RIC1: variants seen among roughly 807,000 people sequenced by gnomAD.
The protein encoded by RIC1 is RIC1 partner of RAB6A GEF complex, also known as guanine nucleotide exchange factor subunit RIC1.
RIC1 carries 88 observed loss-of-function variants against 169.0 expected under a neutral mutation model. The observed-to-expected ratio is 0.52, with a 90% CI of 0.44 to 0.62. The LOEUF is 0.62. Ranked by LOEUF, RIC1 falls within the 20% of genes least tolerant of loss-of-function variation. The pLI is 0.00. For missense variants in RIC1, 1,877 were observed against 1,725.5 expected, an observed-to-expected ratio of 1.09 and a Z score of -1.56; for synonymous variants, 790 against 601.5, an observed-to-expected ratio of 1.31 and a Z score of -4.59.
At chr9:5,633,283 G>T (rs149016069) in intron 1 of RIC1, among the ~76,000 whole-genome samples, 18 of 152,240 alleles carry the variant, frequency 1.2e-4, no homozygotes, top group African/African-American at 4.3e-4. Context: ...TATTTTCCCA[G>T]CATTCCCATT....
intron 3 of RIC1, among the ~76,000 whole-genome samples, chr9:5,707,158 C>T (rs112550988): frequency 1.7e-4 from 26 of 152,230 alleles, no homozygotes; most frequent in African/African-American, 6.3e-4. Flanking sequence ...GATTGTTTTA[C>T]AGTGTATTTT....
rs988760881 is a variant in RIC1, at chr9:5,629,196, T to TGCC, written c.-97_-95dup. On this transcript the variant is annotated 5_prime_UTR_variant, in exon 1 of 26. Transcript: ENST00000414202. The stretch of plus-strand genomic sequence containing the variant: ...AGGCCAGCGGGCAGATGCCCCGAGC[T>TGCC]GCCGCCGCCGCCGCCGCCGACTCGG... 1.1e-4 allele frequency: 119 copies of TGCC among 1,119,538 alleles called. No homozygotes were observed. The South Asian group carries it at 1.6e-3, about 15-fold the overall frequency. The allele number at this position is 1,119,538 out of a possible 1,614,324, so 69.4% of individuals were successfully genotyped here. A position where few individuals can be genotyped will look rare whatever the true frequency, so the allele number is the denominator to read the frequency against.
chr9:5,636,362 G>T (rs180748465), intron 1 of RIC1, among the ~76,000 whole-genome samples: 1 of 151,706 alleles, frequency 6.6e-6, no homozygotes, highest in Non-Finnish European at 1.5e-5. Flanking sequence ...TCTTGTCACC[G>T]AGGCTGGAGT....
chr9:5,645,328 G>C (rs189675848), intron 1 of RIC1, among the ~76,000 whole-genome samples: 101 of 152,290 alleles, frequency 6.6e-4, no homozygotes, highest in African/African-American at 2.3e-3. Context: ...TATTAGCCAT[G>C]ATGCCCAGAC....
intron 3 of RIC1, among the ~76,000 whole-genome samples, chr9:5,702,310 A>C (rs1362204250): frequency 1.3e-5 from 2 of 152,164 alleles, no homozygotes; most frequent in African/African-American, 2.4e-5. Context: ...TGCCATAAAT[A>C]AACACCTAAG....
chr9:5,763,726 C>G lies in RIC1; in HGVS notation c.2699C>G (p.Thr900Arg), dbSNP rs1409641923. The change falls in exon 19 of 26, where the codon ACA becomes AGA. Residue 900 changes from threonine (T) to arginine (R), a missense_variant. Thr to Arg is a moderately conservative substitution (Grantham distance 71, BLOSUM62 -1). Around this residue, in one of 3 missense-constraint regions of RIC1, gnomAD observed 92 missense variants for 151.5 expected, o/e 0.61. Transcript: ENST00000414202. The surrounding 1 kb of genome is among the most constrained non-coding windows in gnomAD (Gnocchi z 5.2). ...FITEFPLFLQTVVHCARKTEY... is the reference protein window; with the variant it reads ...FITEFPLFLQRVVHCARKTEY... ...ACTGAGTTCCCCCTCTTCCTGCAGA[C>G]AGTTGTCCATTGTGCCAGGAAGACC... is the stretch of plus-strand genomic sequence containing the variant. The G allele has an allele frequency of 1.2e-6, 2 of 1,614,110 alleles. No individual in the cohort carries two copies. Among genetic ancestry groups the G allele is most frequent in the African/African-American group, 1.3e-5 (1 of 74,940 alleles).
rs1274451428 is a variant in RIC1, at chr9:5,754,844, C to G, written c.1606C>G (p.Gln536Glu). 3.2e-6 allele frequency: 5 copies of G among 1,552,920 alleles called. No individual in the cohort carries two copies. Among genetic ancestry groups the G allele is most frequent in the Non-Finnish European group, 4.4e-6 (5 of 1,141,056 alleles). ...TTTAAAAAATTTTTATTTTAAGGAG[C>G]AAAATATGATCGTGACAGGTGGCTT... ...WKLFGNITQE[Q>E]NMIVTGGLAW... The change falls in exon 15 of 26, where the codon CAA becomes GAA. Residue 536 changes from glutamine (Q) to glutamate (E), a missense_variant. Gln to Glu is a conservative substitution (Grantham distance 29). This residue lies in a region of RIC1 where 1,104 missense variants were observed against 992.0 expected (regional missense o/e 1.11). Coordinates refer to ENST00000414202, the MANE Select transcript of RIC1 (RefSeq NM_020829.4).
rs1238223119 is a variant in RIC1 at position 5,648,121 on chromosome 9, T to A, written c.145-8462T>A. 2.0e-5 allele frequency among the ~76,000 whole-genome samples: 3 copies of A among 151,976 alleles called. No homozygotes were observed. The East Asian group carries it at 5.8e-4, about 29-fold the overall frequency. On this transcript the variant is annotated intron_variant, in intron 1 of 25. Coordinates refer to ENST00000414202, the MANE Select transcript of RIC1 (RefSeq NM_020829.4). The stretch of plus-strand genomic sequence containing the variant: ...CCTCAGCCTCCCAAGTAGCTGGGAT[T>A]ACAGGCGCCCGCCACCATACCCGAC...
At chr9:5,641,533 T>G (rs1388174531) in intron 1 of RIC1, among the ~76,000 whole-genome samples, 2 of 152,258 alleles carry the variant, frequency 1.3e-5, no homozygotes, top group East Asian at 3.9e-4. Context: ...CTTTCTCTAC[T>G]TCCTCTTTAA....
intron 2 of RIC1, among the ~76,000 whole-genome samples, chr9:5,657,407 C>A (rs1819165699): frequency 1.3e-5 from 2 of 152,038 alleles, no homozygotes; most frequent in African/African-American, 4.8e-5. Context: ...TTGAGCACCT[C>A]CTATCCGATG....
At chr9:5,728,650 C>T (rs574979795) in intron 6 of RIC1, among the ~76,000 whole-genome samples, 5 of 152,300 alleles carry the variant, frequency 3.3e-5, no homozygotes, top group East Asian at 3.9e-4. Context: ...TGGAGCTGTT[C>T]CTATTTGGCC....
intron 4 of RIC1, among the ~76,000 whole-genome samples, chr9:5,716,003 C>A (rs1029372070): frequency 6.6e-6 from 1 of 151,960 alleles, no homozygotes; most frequent in East Asian, 1.9e-4. Flanking sequence ...CGTCACAGCA[C>A]GCTAATTTTT....
intron 2 of RIC1, among the ~76,000 whole-genome samples, chr9:5,689,670 T>C (rs1345151010): frequency 3.3e-5 from 5 of 152,214 alleles, no homozygotes; most frequent in East Asian, 1.9e-4. Flanking sequence ...TTTTGCAAAA[T>C]AGTCACTTAC....
chr9:5,674,706 C>T (rs575433022), intron 2 of RIC1, among the ~76,000 whole-genome samples: 1 of 152,166 alleles, frequency 6.6e-6, no homozygotes, highest in Admixed American at 6.5e-5. Context: ...TGACTATTCC[C>T]CTACCTGCTC....
chr9:5,687,822 T>TA (rs547333876), intron 2 of RIC1, among the ~76,000 whole-genome samples: 75 of 152,350 alleles, frequency 4.9e-4, no homozygotes, highest in Non-Finnish European at 8.8e-4. Flanking sequence ...TTCTGACTCT[T>TA]ACCCCTGTCA....
chr9:5,643,675 T>A (rs559463274), intron 1 of RIC1, among the ~76,000 whole-genome samples: 19 of 152,342 alleles, frequency 1.2e-4, no homozygotes, highest in Admixed American at 5.2e-4. Flanking sequence ...TGAAAAAAGA[T>A]TTTTTTCCTA....
intron 3 of RIC1, 61 bp from the exon 4 acceptor site, chr9:5,713,835 A>G (rs1823075994): frequency 6.7e-6 from 7 of 1,043,406 alleles, no homozygotes; most frequent in Non-Finnish European, 1.0e-5. Flanking sequence ...TTGTATGTGT[A>G]TTAGCCACAG....
At chr9:5,698,566 T>C (rs1307890900) in intron 3 of RIC1, among the ~76,000 whole-genome samples, 2 of 152,230 alleles carry the variant, frequency 1.3e-5, no homozygotes, top group African/African-American at 4.8e-5. Flanking sequence ...TTTCTTGTGA[T>C]ATTTTTCTTA....
chr9:5,711,473 GT>G (rs1217748897), intron 3 of RIC1, among the ~76,000 whole-genome samples: 6 of 152,012 alleles, frequency 3.9e-5, no homozygotes, highest in Non-Finnish European at 2.9e-5. Flanking sequence ...TCTGTGTTCA[GT>G]TTTCCCATTT....
Sources: gnomAD v4.1 joint callset for allele counts (sites outside exome capture counted in the v4.1 genomes callset) on GRCh38, gnomAD v4.1.1 for gene constraint, gnomAD v4.1.1 regional missense constraint, Gnocchi (gnomAD v3.1) non-coding constraint, MANE v1.5 for transcripts, NCBI Gene and HGNC (gene_info 2026-07-23, HGNC 2026-07-21) for gene names.